The following PHKA2 variants were observed in gnomAD, a reference collection of about 807,000 sequenced individuals.
PHKA2 encodes the protein phosphorylase kinase regulatory subunit alpha 2.
PHKA2 carries 31 observed loss-of-function variants against 102.0 expected under a neutral mutation model. The observed-to-expected ratio is 0.30, with a 90% CI of 0.23 to 0.41. The LOEUF (loss-of-function observed/expected upper bound fraction) is 0.41, where lower values mean the gene tolerates loss of function less well. PHKA2 is among the 10% of genes least tolerant of loss of function. The pLI, the probability that PHKA2 is intolerant of heterozygous loss-of-function variation, is 1.00. For synonymous variants in PHKA2, 455 were observed against 416.2 expected, an observed-to-expected ratio of 1.09 and a Z score of -1.13; for missense variants, 858 against 1,023.1, an observed-to-expected ratio of 0.84 and a Z score of 2.20.
intron 17 of PHKA2, 141 bp downstream of exon 17, chrX:18,923,915 G>C (rs1379173453): frequency 1.9e-5 from 10 of 531,147 alleles, no homozygotes; most frequent in Non-Finnish European, 3.4e-5. Context: ...GACTGGATTA[G>C]AGAAGTGTTA....
chrX:18,943,813 A>C lies in PHKA2; in HGVS notation c.619-5T>G. 3 of 1,166,018 alleles carry C rather than the reference A, an allele frequency of 2.6e-6. No homozygotes were observed. The highest frequency in any genetic ancestry group is 2.3e-6 in the Non-Finnish European group (2 of 853,954). ...ATCAATTGCCTCAAGAGCTGCCTAC[A>C]AACACAGGTATGAGTTACTTTTTCT... On this transcript the variant is annotated splice_region_variant and splice_polypyrimidine_tract_variant and intron_variant, in intron 6 of 32. Coordinates refer to ENST00000379942, the MANE Select transcript of PHKA2 (RefSeq NM_000292.3).
intron 2 of PHKA2, among the ~76,000 whole-genome samples, chrX:18,953,012 T>C (rs1377298858): frequency 8.9e-6 from 1 of 112,297 alleles, no homozygotes; most frequent in Non-Finnish European, 1.9e-5. Context: ...AATAATAGGA[T>C]TTATTGTAAC....
intron 4 of PHKA2, among the ~76,000 whole-genome samples, chrX:18,950,129 C>T (rs920036548): frequency 1.6e-4 from 18 of 111,929 alleles, no homozygotes; most frequent in African/African-American, 4.5e-4. Context: ...CAGAGGCCAG[C>T]GGCTCTGGCT....
intron 21 of PHKA2, among the ~76,000 whole-genome samples, chrX:18,908,390 G>A (rs2047862541): frequency 8.9e-6 from 1 of 112,147 alleles, no homozygotes; most frequent in Admixed American, 9.4e-5. Flanking sequence ...GAATACTACG[G>A]AAAAAATTAA....
At chrX:18,896,847 G>C (rs2047566892) in intron 30 of PHKA2, among the ~76,000 whole-genome samples, 1 of 112,189 alleles carries the variant, frequency 8.9e-6, no homozygotes, top group African/African-American at 3.2e-5. Context: ...CTTACTTGCT[G>C]TGGTTCTCAA....
chrX:18,904,213 A>G (rs1408178046), intron 26 of PHKA2, among the ~76,000 whole-genome samples: 1 of 111,674 alleles, frequency 9.0e-6, no homozygotes, highest in Non-Finnish European at 1.9e-5. Context: ...CAGACCCAGG[A>G]AAGTGGAAAA....
At chrX:18,949,597 T>C (rs780409648) in intron 4 of PHKA2, among the ~76,000 whole-genome samples, 1 of 112,320 alleles carries the variant, frequency 8.9e-6, no homozygotes, top group South Asian at 3.7e-4. Context: ...TACCCACTGA[T>C]AAACTCACTA....
At chrX:18,946,188 A>G (rs1454862297) in intron 5 of PHKA2, among the ~76,000 whole-genome samples, 1 of 111,120 alleles carries the variant, frequency 9.0e-6, no homozygotes, top group Non-Finnish European at 1.9e-5. Context: ...CCAGCCTCCC[A>G]AAGTGCTGGG....
At chrX:18,960,510 G>A (rs1433999601) in intron 1 of PHKA2, among the ~76,000 whole-genome samples, 1 of 111,795 alleles carries the variant, frequency 8.9e-6, no homozygotes, top group African/African-American at 3.3e-5. Flanking sequence ...CATGGTGAGA[G>A]CAGAAGCAAG....
At chrX:18,967,350 AG>A (rs2048959888) in intron 1 of PHKA2, among the ~76,000 whole-genome samples, 1 of 111,433 alleles carries the variant, frequency 9.0e-6, no homozygotes, top group Non-Finnish European at 1.9e-5. Flanking sequence ...ATTTTGTTCT[AG>A]GAGTTACGAA....
At chrX:18,981,574 C>T (rs1236335692) in intron 1 of PHKA2, among the ~76,000 whole-genome samples, 1 of 110,900 alleles carries the variant, frequency 9.0e-6, no homozygotes, top group Non-Finnish European at 1.9e-5. Context: ...ATGCCTTTGG[C>T]CACTGCTTGA....
chrX:18,968,448 T>C (rs1183711991), intron 1 of PHKA2, among the ~76,000 whole-genome samples: 2 of 111,295 alleles, frequency 1.8e-5, no homozygotes, highest in Non-Finnish European at 3.8e-5. Flanking sequence ...TTAAGTCTTT[T>C]TGGATAATTA....
chrX:18,949,074 A>C (rs2048634051), intron 4 of PHKA2, among the ~76,000 whole-genome samples: 1 of 111,662 alleles, frequency 9.0e-6, no homozygotes, highest in Non-Finnish European at 1.9e-5. Flanking sequence ...GTGTGTGCCT[A>C]TGAGTAGAAA....
intron 1 of PHKA2, among the ~76,000 whole-genome samples, chrX:18,971,666 T>C (rs2049021150): frequency 8.9e-6 from 1 of 112,762 alleles, no homozygotes; most frequent in Admixed American, 9.4e-5. Flanking sequence ...AAGGACTCTC[T>C]TAGGATTAAG....
Position 18,952,781 on chromosome X carries a change from C to T in PHKA2, c.238-240G>A, listed in dbSNP as rs774328701. ...GGTTGGATCAGATGATATCTGCCAC[C>T]TCTGAAATTCAGTGACTCCTCGTTG... On this transcript the variant is annotated intron_variant, in intron 2 of 32. Coordinates refer to ENST00000379942, the MANE Select transcript of PHKA2 (RefSeq NM_000292.3). Among the ~76,000 whole-genome samples, 97 of 112,598 alleles carry T rather than the reference C, an allele frequency of 8.6e-4. 1 individual carries two copies. Among genetic ancestry groups the T allele is most frequent in the African/African-American group, 2.9e-3 (91 of 31,007 alleles).
chrX:18,944,049 A>G (rs1467401312), intron 6 of PHKA2, among the ~76,000 whole-genome samples: 2 of 110,511 alleles, frequency 1.8e-5, no homozygotes, highest in Non-Finnish European at 3.8e-5. Flanking sequence ...TCCCGGGCTC[A>G]GGTGATCCTC....
chrX:18,956,914 T>G (rs2048785321), intron 1 of PHKA2, among the ~76,000 whole-genome samples: 1 of 112,272 alleles, frequency 8.9e-6, no homozygotes, highest in Admixed American at 9.4e-5. Flanking sequence ...TTTCTTTCTT[T>G]TTTTTGAGAC....
intron 18 of PHKA2, among the ~76,000 whole-genome samples, chrX:18,919,746 A>AAAAG (rs1556000663): frequency 9.7e-6 from 1 of 103,223 alleles, no homozygotes; most frequent in African/African-American, 3.7e-5. Context: ...AAAAAAAAAA[A>AAAAG]AGAGAGAGAG....
intron 7 of PHKA2, among the ~76,000 whole-genome samples, chrX:18,942,004 G>A (rs969108478): frequency 1.1e-4 from 12 of 112,365 alleles, no homozygotes; most frequent in African/African-American, 3.9e-4. Context: ...ACCTGTGTCA[G>A]TAGGCTAAGC....
Sources: gnomAD v4.1 joint callset for allele counts (sites outside exome capture counted in the v4.1 genomes callset) on GRCh38, gnomAD v4.1.1 for gene constraint, MANE v1.5 for transcripts, NCBI Gene and HGNC (gene_info 2026-07-23, HGNC 2026-07-21) for gene names.